Variants in TCF12 observed in about 807,000 individuals in gnomAD.
TCF12 encodes DNA-binding protein HTF4.
Under a neutral mutation model 86.0 loss-of-function variants are expected in TCF12, and 45 were observed. The observed-to-expected ratio is 0.52, with a 90% CI of 0.41 to 0.67. TCF12 has a LOEUF of 0.67. Ranked by LOEUF, TCF12 falls within the 30% of genes least tolerant of loss-of-function variation. TCF12 has a pLI of 0.00. For synonymous variants in TCF12, 330 were observed against 299.6 expected (o/e 1.10, Z -1.05); for missense variants, 881 against 859.9 (o/e 1.02, Z -0.31).
chr15:57,143,883 G>A (rs1031702608), intron 5 of TCF12, among the ~76,000 whole-genome samples: 2 of 152,066 alleles, frequency 1.3e-5, no homozygotes, highest in Non-Finnish European at 2.9e-5. Flanking sequence ...TGTCTCTCTG[G>A]GTGTGGTGCT....
At chr15:56,937,469 G>C (rs1567130890) in intron 3 of TCF12, among the ~76,000 whole-genome samples, 1 of 151,816 alleles carries the variant, frequency 6.6e-6, no homozygotes, top group Non-Finnish European at 1.5e-5. Context: ...GAGTCTTCAG[G>C]GTTTTCTAAG....
In TCF12 at chr15:57,287,911, T is replaced by G. The variant is rs1469401946; in HGVS notation, c.*1766T>G. On this transcript the variant is annotated 3_prime_UTR_variant, in exon 21 of 21. Coordinates refer to ENST00000333725, the MANE Select transcript of TCF12 (RefSeq NM_207037.2). The stretch of plus-strand genomic sequence containing the variant: ...TAAACAGAAGTTGTTGCTTATGATG[T>G]GTGAGTGAACATATGCCACTGCCTG... The G allele has an allele frequency of 2.0e-5, 3 of 152,700 alleles. No homozygotes were observed. Among genetic ancestry groups the G allele is most frequent in the African/African-American group, 4.8e-5 (2 of 41,472 alleles). The allele number at this position is 152,700 out of a possible 1,614,324, so 9.5% of individuals were successfully genotyped here. A position where few individuals can be genotyped will look rare whatever the true frequency, so the allele number is the denominator to read the frequency against.
chr15:56,973,753 T>G (rs1317979653), intron 3 of TCF12, among the ~76,000 whole-genome samples: 1 of 152,100 alleles, frequency 6.6e-6, no homozygotes, highest in African/African-American at 2.4e-5. Flanking sequence ...AGTTGTAACT[T>G]TACAGTGGAG....
chr15:57,119,457 G>A (rs2051077836), intron 5 of TCF12, among the ~76,000 whole-genome samples: 1 of 147,380 alleles, frequency 6.8e-6, no homozygotes, highest in Non-Finnish European at 1.5e-5. Flanking sequence ...CCGGTCCACA[G>A]CTTTTTTTTT....
intron 6 of TCF12, among the ~76,000 whole-genome samples, chr15:57,170,760 T>A (rs1341524275): frequency 2.7e-3 from 44 of 16,030 alleles, no homozygotes; most frequent in Middle Eastern, 0.028. Context: ...TATTATATAT[T>A]ATATATATAT....
chr15:56,969,581 G>A (rs1004722660), intron 3 of TCF12, among the ~76,000 whole-genome samples: 4 of 130,664 alleles, frequency 3.1e-5, no homozygotes, highest in Admixed American at 1.7e-4. Context: ...TCTGTCACCC[G>A]GACTGGAGGG....
At chr15:57,269,254 C>A (rs549904952) in intron 18 of TCF12, among the ~76,000 whole-genome samples, 6 of 151,416 alleles carry the variant, frequency 4.0e-5, no homozygotes, top group African/African-American at 1.5e-4. Flanking sequence ...CTTCTTGTTG[C>A]ATTGATCCCT....
intron 3 of TCF12, among the ~76,000 whole-genome samples, chr15:56,969,260 C>T (rs1207770714): frequency 2.0e-5 from 3 of 152,078 alleles, no homozygotes; most frequent in African/African-American, 7.2e-5. Flanking sequence ...GATCTATTTT[C>T]GTTTCATAAA....
chr15:57,119,657 A>G (rs1278921299), intron 5 of TCF12, among the ~76,000 whole-genome samples: 1 of 151,762 alleles, frequency 6.6e-6, no homozygotes, highest in African/African-American at 2.4e-5. Context: ...CTCCATATGG[A>G]TACTGTATAC....
chr15:57,039,574 A>T (rs926443817), intron 3 of TCF12, among the ~76,000 whole-genome samples: 8 of 152,118 alleles, frequency 5.3e-5, no homozygotes, highest in African/African-American at 1.2e-4. Flanking sequence ...ACCAAAAAAA[A>T]TCCTTAATTT....
chr15:57,171,945 G>A (rs1245128054), intron 6 of TCF12, among the ~76,000 whole-genome samples: 3 of 152,114 alleles, frequency 2.0e-5, no homozygotes, highest in African/African-American at 7.2e-5. Flanking sequence ...TTCTCTAAGT[G>A]TTTAAATGTA....
chr15:57,181,725 G>T (rs2056365094), intron 6 of TCF12, among the ~76,000 whole-genome samples: 1 of 152,122 alleles, frequency 6.6e-6, no homozygotes, highest in South Asian at 2.1e-4. Context: ...GGCTGTTAAA[G>T]TTCCTTATTT....
chr15:57,039,434 T>A (rs1347005043), intron 3 of TCF12, among the ~76,000 whole-genome samples: 1 of 152,240 alleles, frequency 6.6e-6, no homozygotes, highest in Non-Finnish European at 1.5e-5. Context: ...GGTATTTAAC[T>A]TGGTTTCCCA....
At chr15:57,162,092 A>G (rs1342686310) in intron 5 of TCF12, among the ~76,000 whole-genome samples, 1 of 152,182 alleles carries the variant, frequency 6.6e-6, no homozygotes, top group African/African-American at 2.4e-5. Context: ...GTATTAGACT[A>G]TCCCAGAGAA....
intron 4 of TCF12, among the ~76,000 whole-genome samples, chr15:57,068,514 T>A (rs1477315216): frequency 3.3e-5 from 5 of 152,236 alleles, no homozygotes; most frequent in Admixed American, 3.3e-4. Context: ...TTCAACTGTT[T>A]ATTTCTTTCT....
chr15:56,999,475 C>T (rs958320193), intron 3 of TCF12, among the ~76,000 whole-genome samples: 2 of 152,108 alleles, frequency 1.3e-5, no homozygotes, highest in South Asian at 2.1e-4. Context: ...AAACTCTATG[C>T]ACATAAATTT....
intron 8 of TCF12, among the ~76,000 whole-genome samples, chr15:57,212,505 T>A (rs55698946): frequency 0.08 from 12,190 of 152,172 alleles, 688 homozygotes; most frequent in Non-Finnish European, 0.12. Flanking sequence ...CTCAAACTCC[T>A]GGGTTCAAGG....
intron 18 of TCF12, 89 bp downstream of exon 18, chr15:57,263,363 T>G (rs1414219569): frequency 4.6e-6 from 6 of 1,317,064 alleles, no homozygotes; most frequent in Non-Finnish European, 5.3e-6. Context: ...TTATTAACTG[T>G]CAGCTATGTT....
At chr15:57,239,656 G>A (rs2059530767) in intron 12 of TCF12, among the ~76,000 whole-genome samples, 1 of 152,146 alleles carries the variant, frequency 6.6e-6, no homozygotes, top group Non-Finnish European at 1.5e-5. Flanking sequence ...TGGTGTCATG[G>A]CAGTGATTAT....
Sources: allele counts gnomAD v4.1 joint callset (sites outside exome capture counted in the v4.1 genomes callset), GRCh38; gene constraint gnomAD v4.1.1; transcripts MANE v1.5; gene names NCBI Gene and HGNC (gene_info 2026-07-23, HGNC 2026-07-21).